The following PDS5B variants were observed in gnomAD, a reference collection of about 807,000 sequenced individuals.
PDS5B encodes the protein PDS5 cohesin associated factor B.
PDS5B carries 51 observed loss-of-function variants against 184.1 expected under a neutral mutation model. The ratio of observed to expected loss-of-function variants is 0.28; its 90% CI spans 0.22 to 0.35. The LOEUF (loss-of-function observed/expected upper bound fraction) is 0.35, where lower values mean the gene tolerates loss of function less well. Ranked by LOEUF, PDS5B falls within the 10% of genes least tolerant of loss-of-function variation. The pLI is 1.00. For synonymous variants in PDS5B, 566 were observed against 569.2 expected, an observed-to-expected ratio of 0.99 and a Z score of 0.08; for missense variants, 1,180 against 1,723.3, an observed-to-expected ratio of 0.68 and a Z score of 5.58.
intron 23 of PDS5B, among the ~76,000 whole-genome samples, chr13:32,743,609 C>T (rs954318874): frequency 6.6e-6 from 1 of 152,050 alleles, no homozygotes; most frequent in Non-Finnish European, 1.5e-5. Context: ...AAGATGACTG[C>T]CAGCTGCCTT....
chr13:32,683,399 C>T (rs1335772107), intron 10 of PDS5B, among the ~76,000 whole-genome samples: 1 of 151,138 alleles, frequency 6.6e-6, no homozygotes, highest in Non-Finnish European at 1.5e-5. Context: ...CCGCTCACCG[C>T]AGCCTCTCCC....
intron 1 of PDS5B, among the ~76,000 whole-genome samples, chr13:32,631,688 G>A (rs576214257): frequency 1.6e-4 from 25 of 152,292 alleles, no homozygotes; most frequent in Non-Finnish European, 2.4e-4. Context: ...GTGAAAATTA[G>A]GAGTTCTTAC....
chr13:32,758,087 A>G lies in PDS5B; in HGVS notation c.3057A>G (p.Glu1019=). 8.8e-7 allele frequency: 1 copy of G among 1,136,334 alleles called. No homozygotes were observed. Among genetic ancestry groups the G allele is most frequent in the Non-Finnish European group, 1.2e-6 (1 of 851,320 alleles). 70.4% of individuals were successfully genotyped at this position (1,136,334 alleles called of 1,614,324 possible). A position where few individuals can be genotyped will look rare whatever the true frequency, so the allele number is the denominator to read the frequency against. ...QDIEQLKDVK[E]CLWFVLEILM... is the part of the protein sequence containing the mutation. ...CTTTTTTCCTTTTTTTTTTTTTTAG[A>G]TGTCTTTGGTTTGTTCTGGAAATAT... Residue 1019 remains glutamate (E), a splice_region_variant and synonymous_variant, in exon 27 of 35, where the codon GAA becomes GAG. Transcript: ENST00000315596.
intron 3 of PDS5B, among the ~76,000 whole-genome samples, chr13:32,656,089 TCC>T (rs1950505612): frequency 6.6e-6 from 1 of 152,188 alleles, no homozygotes; most frequent in Admixed American, 6.5e-5. Flanking sequence ...GGGAGTCCTT[TCC>T]TCATTGCTTG....
At chr13:32,688,750 A>G (rs1951465539) in intron 13 of PDS5B, 181 bp downstream of exon 13, 1 of 507,994 alleles carries the variant, frequency 2.0e-6, no homozygotes, top group Non-Finnish European at 3.5e-6. Context: ...ACATGAGACT[A>G]AGCCATTACA....
At chr13:32,673,854 T>C (rs1313145350) in intron 8 of PDS5B, among the ~76,000 whole-genome samples, 2 of 152,110 alleles carry the variant, frequency 1.3e-5, no homozygotes, top group Admixed American at 6.6e-5. Flanking sequence ...TTTGTTTTGT[T>C]GCCCAGGCTG....
chr13:32,676,727 C>T (rs1366146244), intron 9 of PDS5B, among the ~76,000 whole-genome samples: 4 of 152,042 alleles, frequency 2.6e-5, no homozygotes, highest in East Asian at 3.9e-4. Flanking sequence ...GTCAGGAGAT[C>T]GAGACCATCC....
chr13:32,602,560 T>A (rs1160812749), intron 1 of PDS5B, among the ~76,000 whole-genome samples: 2 of 152,236 alleles, frequency 1.3e-5, no homozygotes, highest in Non-Finnish European at 2.9e-5. Context: ...TAAACATACA[T>A]GTGCATGTGT....
chr13:32,673,297 T>C lies in PDS5B; in HGVS notation c.787T>C (p.Tyr263His). 1 of 1,612,998 alleles carries C rather than the reference T, an allele frequency of 6.2e-7. No homozygotes were observed. Among genetic ancestry groups the C allele is most frequent in the Non-Finnish European group, 8.5e-7 (1 of 1,179,200 alleles). Residue 263 changes from tyrosine to histidine, a missense_variant, in exon 8 of 35, where the codon TAC (tyrosine) becomes CAC (histidine). By Grantham distance (83) the Tyr-to-His change is moderately conservative. This residue lies in a region of PDS5B where 79 missense variants were observed against 124.6 expected (regional missense o/e 0.63). Coordinates refer to ENST00000315596, the MANE Select transcript of PDS5B (RefSeq NM_015032.4). ...EHVFDLILEL[Y>H]NIDSHLLLSV... The stretch of plus-strand genomic sequence containing the variant: ...TGTCTTTGACTTAATTTTGGAGCTC[T>C]ACAATATTGATAGTCATTTGCTGCT...
At chr13:32,718,155 A>AGTT (rs1952543463) in intron 19 of PDS5B, among the ~76,000 whole-genome samples, 1 of 148,436 alleles carries the variant, frequency 6.7e-6, no homozygotes, top group African/African-American at 2.5e-5. Context: ...GGGCTTCTGA[A>AGTT]TTTTTTTTTT....
intron 1 of PDS5B, among the ~76,000 whole-genome samples, chr13:32,597,129 G>GC (rs2057888294): frequency 6.6e-6 from 1 of 151,796 alleles, no homozygotes; most frequent in South Asian, 2.1e-4. Context: ...GAACTTTTGG[G>GC]CTCAAGCCAC....
At chr13:32,632,652 G>A (rs1441295432) in intron 1 of PDS5B, among the ~76,000 whole-genome samples, 1 of 152,200 alleles carries the variant, frequency 6.6e-6, no homozygotes, top group African/African-American at 2.4e-5. Flanking sequence ...CTAGCTGTGT[G>A]CTGAAAAGAT....
At chr13:32,649,392 A>G (rs1028729951) in intron 2 of PDS5B, 1 of 152,328 alleles carries the variant, frequency 6.6e-6, no homozygotes, top group African/African-American at 2.4e-5. Flanking sequence ...ATGTGTTTGA[A>G]TAATATTTTC....
chr13:32,626,415 T>C (rs2058372002), intron 1 of PDS5B, among the ~76,000 whole-genome samples: 2 of 152,344 alleles, frequency 1.3e-5, no homozygotes, highest in Non-Finnish European at 2.9e-5. Context: ...AAACCATTGT[T>C]AGATAATCAA....
chr13:32,673,620 C>CT (rs971712896), intron 8 of PDS5B, among the ~76,000 whole-genome samples: 2 of 152,122 alleles, frequency 1.3e-5, no homozygotes, highest in Non-Finnish European at 2.9e-5. Context: ...TAGGATTTGA[C>CT]TAACTTTTGA....
At chr13:32,656,810 T>C (rs763994515) in intron 3 of PDS5B, among the ~76,000 whole-genome samples, 1 of 152,166 alleles carries the variant, frequency 6.6e-6, no homozygotes, top group Non-Finnish European at 1.5e-5. Context: ...TTGGCCAGGC[T>C]GGTCTTGAAC....
At chr13:32,729,552 T>C (rs1953028585) in intron 19 of PDS5B, among the ~76,000 whole-genome samples, 1 of 152,168 alleles carries the variant, frequency 6.6e-6, no homozygotes, top group Admixed American at 6.5e-5. Context: ...AATTAATTTA[T>C]GCTCCCACCA....
At chr13:32,730,123 T>C (rs915047914) in intron 19 of PDS5B, among the ~76,000 whole-genome samples, 1 of 152,230 alleles carries the variant, frequency 6.6e-6, no homozygotes, top group African/African-American at 2.4e-5. Flanking sequence ...AATTTTTGTA[T>C]AAGGTGTAAG....
chr13:32,654,205 G>A (rs982024805), intron 3 of PDS5B, among the ~76,000 whole-genome samples: 6 of 152,056 alleles, frequency 3.9e-5, no homozygotes, highest in Non-Finnish European at 7.4e-5. Context: ...ATTTCACTTC[G>A]TCTTGATTAG....
Sources: allele counts gnomAD v4.1 joint callset (sites outside exome capture counted in the v4.1 genomes callset), GRCh38; gene constraint gnomAD v4.1.1; regional missense constraint gnomAD v4.1.1; transcripts MANE v1.5; gene names NCBI Gene and HGNC (gene_info 2026-07-23, HGNC 2026-07-21).